Variants in MEIKIN observed in about 807,000 individuals in gnomAD.
MEIKIN encodes the protein meiosis-specific kinetochore protein.
intron 9 of MEIKIN, among the ~76,000 whole-genome samples, chr5:131,871,425 T>C (rs1160296872): frequency 6.6e-6 from 1 of 152,142 alleles, no homozygotes; most frequent in Non-Finnish European, 1.5e-5. Flanking sequence ...GAGATCAAAC[T>C]GCAAGGCGAC....
chr5:131,813,376 A>C (rs1773037453), intron 12 of MEIKIN, among the ~76,000 whole-genome samples: 1 of 151,460 alleles, frequency 6.6e-6, no homozygotes, highest in Non-Finnish European at 1.5e-5. Context: ...AGAGGAGTGC[A>C]CCCGGTTGTG....
At chr5:131,923,379 T>C (rs1751538328) in intron 5 of MEIKIN, among the ~76,000 whole-genome samples, 1 of 152,170 alleles carries the variant, frequency 6.6e-6, no homozygotes, top group Non-Finnish European at 1.5e-5. Flanking sequence ...GTTCTTGAAT[T>C]ATTTCTTAAT....
chr5:131,891,029 G>C (rs913469805), intron 8 of MEIKIN, among the ~76,000 whole-genome samples: 3 of 152,202 alleles, frequency 2.0e-5, no homozygotes, highest in African/African-American at 7.2e-5. Flanking sequence ...GAGCGGTTTT[G>C]AGTGAGTTTC....
intron 5 of MEIKIN, among the ~76,000 whole-genome samples, chr5:131,932,057 G>A (rs1751700626): frequency 6.6e-6 from 1 of 152,054 alleles, no homozygotes; most frequent in Non-Finnish European, 1.5e-5. Flanking sequence ...TTTCTTCTGG[G>A]GTACTCAGTT....
In MEIKIN at chr5:131,894,475, TA is replaced by T. The variant is rs1258703898; in HGVS notation, c.704-15428del. On this transcript the variant is annotated intron_variant, in intron 8 of 12. Transcript: ENST00000442687. The stretch of plus-strand genomic sequence containing the variant: ...CTTGATCGGGATGGCACTGAATCTA[TA>T]AATTACCTTGGGCAGTATGGCCATT... 2.2e-4 allele frequency among the ~76,000 whole-genome samples: 33 copies of T among 152,352 alleles called. No individual in the cohort carries two copies. In the South Asian group the frequency reaches 3.7e-3, roughly 17 times the overall value.
At position 131,854,837 on chromosome 5, in the gene MEIKIN, A is replaced by G. The variant is rs1213879119; in HGVS notation, c.775-3T>C. The G allele has an allele frequency of 1.3e-5, 5 of 397,636 alleles. No individual in the cohort carries two copies. The highest frequency in any genetic ancestry group is 2.2e-5 in the Non-Finnish European group (5 of 225,450). The allele number at this position is 397,636 out of a possible 1,614,324, so 24.6% of individuals were successfully genotyped here. ...CCAGGAGTACTGGAATTTGTTTTCT[A>G]TAAATGTTTTTATAAAACAGGGATT... On this transcript the variant is annotated splice_region_variant and splice_polypyrimidine_tract_variant and intron_variant, in intron 9 of 12. Coordinates refer to ENST00000442687, the MANE Select transcript of MEIKIN (RefSeq NM_001303622.2).
intron 8 of MEIKIN, among the ~76,000 whole-genome samples, chr5:131,890,613 CTTT>C (rs1396843217): frequency 1.3e-5 from 2 of 152,144 alleles, no homozygotes; most frequent in East Asian, 1.9e-4. Flanking sequence ...CTCTTTTCTT[CTTT>C]ATTAGTCTTG....
chr5:131,828,685 C>T (rs2149605853), intron 11 of MEIKIN, among the ~76,000 whole-genome samples: 1 of 152,164 alleles, frequency 6.6e-6, no homozygotes, highest in Non-Finnish European at 1.5e-5. Context: ...TAAAAGAATC[C>T]ACCATGTTCT....
intron 11 of MEIKIN, among the ~76,000 whole-genome samples, chr5:131,839,366 G>A (rs1749865397): frequency 6.6e-6 from 1 of 152,100 alleles, no homozygotes; most frequent in African/African-American, 2.4e-5. Context: ...TGCCTATCAG[G>A]TCCATTTGAT....
chr5:131,845,528 T>C (rs1750003768), intron 11 of MEIKIN, among the ~76,000 whole-genome samples: 2 of 147,862 alleles, frequency 1.4e-5, no homozygotes, highest in Admixed American at 1.3e-4. Context: ...CTCAAAGAAC[T>C]AAAGGAAGAT....
intron 7 of MEIKIN, among the ~76,000 whole-genome samples, chr5:131,915,928 A>G (rs1319598975): frequency 2.0e-5 from 3 of 152,210 alleles, no homozygotes; most frequent in African/African-American, 7.2e-5. Context: ...CAAGTGTTTT[A>G]TTACATTTGC....
intron 8 of MEIKIN, among the ~76,000 whole-genome samples, chr5:131,892,777 G>A (rs887757868): frequency 3.9e-5 from 6 of 152,218 alleles, no homozygotes; most frequent in Non-Finnish European, 7.3e-5. Flanking sequence ...TTCCTTTGGA[G>A]GAGGAGAGGT....
chr5:131,842,063 G>A (rs1472520843), intron 11 of MEIKIN, among the ~76,000 whole-genome samples: 1 of 151,606 alleles, frequency 6.6e-6, no homozygotes, highest in Non-Finnish European at 1.5e-5. Context: ...GCAGTGGCAC[G>A]ATCTTGGCTC....
intron 11 of MEIKIN, among the ~76,000 whole-genome samples, chr5:131,824,267 C>T (rs1274509870): frequency 6.6e-6 from 1 of 151,998 alleles, no homozygotes; most frequent in African/African-American, 2.4e-5. Flanking sequence ...GTAATCCCAG[C>T]ACTTTGGGAG....
chr5:131,905,830 A>C (rs1278471842), intron 8 of MEIKIN, among the ~76,000 whole-genome samples: 2 of 152,196 alleles, frequency 1.3e-5, no homozygotes, highest in African/African-American at 4.8e-5. Context: ...CATATGCAGA[A>C]GACTGAAACT....
At chr5:131,926,048 G>A (rs549677840) in intron 5 of MEIKIN, among the ~76,000 whole-genome samples, 5 of 152,134 alleles carry the variant, frequency 3.3e-5, no homozygotes, top group South Asian at 2.1e-4. Flanking sequence ...CAATTTAGAC[G>A]CTTTTATTTT....
At chr5:131,932,739 A>G (rs182917201) in intron 5 of MEIKIN, among the ~76,000 whole-genome samples, 48 of 152,330 alleles carry the variant, frequency 3.2e-4, no homozygotes, top group Admixed American at 1.1e-3. Flanking sequence ...AAAATATTCT[A>G]AAGAATACAT....
At chr5:131,888,518 G>A (rs1222706048) in intron 8 of MEIKIN, among the ~76,000 whole-genome samples, 2 of 152,196 alleles carry the variant, frequency 1.3e-5, no homozygotes, top group South Asian at 2.1e-4. Context: ...CTTTTGAGAA[G>A]TGTCTGCTCA....
intron 12 of MEIKIN, among the ~76,000 whole-genome samples, chr5:131,814,278 CTT>C (rs35694343): frequency 4.1e-3 from 566 of 136,910 alleles, no homozygotes; most frequent in Middle Eastern, 0.011. Flanking sequence ...TTGGACAGAT[CTT>C]TTTTTTTTTT....
Sources: allele counts gnomAD v4.1 joint callset (sites outside exome capture counted in the v4.1 genomes callset), GRCh38; gene constraint gnomAD v4.1.1; transcripts MANE v1.5; gene names NCBI Gene and HGNC (gene_info 2026-07-23, HGNC 2026-07-21).